The following EPHA7 variants were observed in gnomAD, a reference collection of about 807,000 sequenced individuals.
The protein encoded by EPHA7 is EPH receptor A7.
Under a neutral mutation model 112.6 loss-of-function variants are expected in EPHA7, and 25 were observed. The observed-to-expected ratio is 0.22, with a 90% CI of 0.16 to 0.31. The LOEUF (loss-of-function observed/expected upper bound fraction) is 0.31. Among genes scored for constraint, EPHA7 ranks in the 10% least tolerant of loss-of-function variants. The probability of loss-of-function intolerance (pLI) is 1.00; values close to 1 mark genes in which losing one functional copy is unlikely to be tolerated. For missense variants in EPHA7, 962 were observed against 1,212.6 expected, an observed-to-expected ratio of 0.79 and a Z score of 3.07; for synonymous variants, 437 against 406.5, an observed-to-expected ratio of 1.07 and a Z score of -0.90.
At chr6:93,300,978 A>C (rs1772949606) in intron 5 of EPHA7, among the ~76,000 whole-genome samples, 1 of 152,188 alleles carries the variant, frequency 6.6e-6, no homozygotes, top group South Asian at 2.1e-4. Context: ...AGGCAATTGT[A>C]ACACAAAGGT....
chr6:93,390,076 A>G (rs1777826018), intron 3 of EPHA7, among the ~76,000 whole-genome samples: 1 of 151,938 alleles, frequency 6.6e-6, no homozygotes. Context: ...TAAGGAGACA[A>G]AGCAGCATGC....
intron 5 of EPHA7, among the ~76,000 whole-genome samples, chr6:93,283,573 C>T (rs76596871): frequency 2.6e-5 from 4 of 151,964 alleles, no homozygotes; most frequent in East Asian, 3.9e-4. Context: ...CCAGAAGGAA[C>T]GAACAACTCC....
chr6:93,303,094 C>A (rs1773073994), intron 5 of EPHA7, among the ~76,000 whole-genome samples: 1 of 152,082 alleles, frequency 6.6e-6, no homozygotes, highest in Non-Finnish European at 1.5e-5. Flanking sequence ...TCACACTGAG[C>A]ACATGAAAAA....
chr6:93,410,363 T>C lies in EPHA7; in HGVS notation c.832+138A>G. On this transcript the variant is annotated intron_variant, in intron 3 of 16. Transcript: ENST00000369303. The surrounding 1 kb of genome is among the most constrained non-coding windows in gnomAD (Gnocchi z 4.0). ...GTAGGGCAATCACTAAGTTCAACGG[T>C]GACTTTGTTTAAGATCTACTGAATT... is the stretch of plus-strand genomic sequence containing the variant. 1.4e-6 allele frequency: 1 copy of C among 734,216 alleles called. No homozygotes were observed. Among genetic ancestry groups the C allele is most frequent in the South Asian group, 1.8e-5 (1 of 55,170 alleles). The allele number at this position is 734,216 out of a possible 1,614,324, so 45.5% of individuals were successfully genotyped here. A position where few individuals can be genotyped will look rare whatever the true frequency, so the allele number is the denominator to read the frequency against.
At chr6:93,302,217 A>G (rs568069151) in intron 5 of EPHA7, among the ~76,000 whole-genome samples, 2 of 152,296 alleles carry the variant, frequency 1.3e-5, no homozygotes, top group African/African-American at 4.8e-5. Context: ...GTTGCTATTC[A>G]GACTCCAGGT....
intron 5 of EPHA7, among the ~76,000 whole-genome samples, chr6:93,321,379 C>T (rs1492964): frequency 0.18 from 26,788 of 151,594 alleles, 2,771 homozygotes; most frequent in East Asian, 0.34. Flanking sequence ...GTCATTGATC[C>T]CAGGAGCATT....
At chr6:93,359,780 T>C (rs1330063918) in intron 3 of EPHA7, among the ~76,000 whole-genome samples, 2 of 151,878 alleles carry the variant, frequency 1.3e-5, no homozygotes, top group Non-Finnish European at 2.9e-5. Flanking sequence ...ACAAGATAGG[T>C]ATTTTATATA....
At chr6:93,371,909 G>A (rs1285604359) in intron 3 of EPHA7, among the ~76,000 whole-genome samples, 1 of 152,096 alleles carries the variant, frequency 6.6e-6, no homozygotes, top group Non-Finnish European at 1.5e-5. Flanking sequence ...AAATGAAGTG[G>A]TTAAGAACAT....
chr6:93,395,987 T>C (rs1033336987), intron 3 of EPHA7, among the ~76,000 whole-genome samples: 5 of 151,918 alleles, frequency 3.3e-5, no homozygotes, highest in African/African-American at 1.2e-4. Context: ...TACAAGAGCA[T>C]GCCCTTTTTG....
intron 9 of EPHA7, 69 bp downstream of exon 9, chr6:93,263,791 G>T: frequency 7.8e-7 from 1 of 1,285,430 alleles, no homozygotes; most frequent in Non-Finnish European, 1.1e-6. Flanking sequence ...CTTTGTTAAT[G>T]CCAATGCTAA....
rs1372579172 is a variant in EPHA7, at chr6:93,410,637, C to T, written c.696G>A (p.Gly232=). ...SEFSSLVEVR[G]TCVSSAEEEA... ...CTTCCTCTGCACTGCTGACACATGT[C>T]CCTCGAACCTCGACTAAAGAGGAAA... is the stretch of plus-strand genomic sequence containing the variant. Residue 232 remains glycine (G), a synonymous_variant, in exon 3 of 17, where the codon GGG becomes GGA. Transcript: ENST00000369303. This position sits in a 1 kb window ranked among gnomAD's most constrained non-coding sequence, Gnocchi z 4.0. The T allele has an allele frequency of 7.4e-6, 12 of 1,613,866 alleles. No individual in the cohort carries two copies. In the Admixed American group the frequency reaches 1.5e-4, roughly 20 times the overall value.
intron 5 of EPHA7, among the ~76,000 whole-genome samples, chr6:93,292,183 A>G (rs1314368216): frequency 6.6e-6 from 1 of 152,150 alleles, no homozygotes; most frequent in African/African-American, 2.4e-5. Context: ...GTCACTTATT[A>G]GTTAAGTCAT....
At position 93,245,254 on chromosome 6, in the gene EPHA7, T is replaced by C. The variant is rs1184713168; in HGVS notation, c.2882+44A>G. On this transcript the variant is annotated intron_variant, in intron 16 of 16. Coordinates refer to ENST00000369303, the MANE Select transcript of EPHA7 (RefSeq NM_004440.4). ...AACCTAATGTATAAAGTGTAGATTG[T>C]ACCTAATAAATCCTTAAATACAATT... The C allele has an allele frequency of 6.4e-6, 10 of 1,550,548 alleles. No homozygotes were observed. In the African/African-American group the frequency reaches 9.9e-5, roughly 15 times the overall value.
Position 93,326,407 on chromosome 6 carries a change from G to A in EPHA7, c.1324+30310C>T, listed in dbSNP as rs556017081. On this transcript the variant is annotated intron_variant, in intron 5 of 16. Transcript: ENST00000369303. ...AATGCTCTATTTATATAAAATATAC[G>A]AAGATAGTTTCTTGTGTTAACTGTT... 2.6e-5 allele frequency among the ~76,000 whole-genome samples: 4 copies of A among 151,392 alleles called. No individual in the cohort carries two copies. The South Asian group carries it at 6.2e-4, about 24-fold the overall frequency.
At chr6:93,331,058 C>T (rs1414681018) in intron 5 of EPHA7, among the ~76,000 whole-genome samples, 4 of 151,338 alleles carry the variant, frequency 2.6e-5, no homozygotes, top group Non-Finnish European at 5.9e-5. Flanking sequence ...ATATGTCAAA[C>T]ATTTTGATAA....
At chr6:93,345,829 G>T (rs1389109940) in intron 5 of EPHA7, among the ~76,000 whole-genome samples, 5 of 151,538 alleles carry the variant, frequency 3.3e-5, no homozygotes, top group African/African-American at 1.2e-4. Context: ...CTAATTTACT[G>T]CATTGGTAGA....
Position 93,246,845 on chromosome 6 carries a change from G to A in EPHA7, c.2673C>T (p.Asp891=), listed in dbSNP as rs2127846959. 6.2e-7 allele frequency: 1 copy of A among 1,613,408 alleles called. No individual in the cohort carries two copies. Among genetic ancestry groups the A allele is most frequent in the East Asian group, 2.2e-5 (1 of 44,840 alleles). ...PKFEQIVGIL[D]KMIRNPNSLK... ...GACTATTTGGGTTTCGAATCATTTTGTCTAGAATTCCAACTATCTGTTCAA... is the reference window on the plus strand; with the variant it reads ...GACTATTTGGGTTTCGAATCATTTTATCTAGAATTCCAACTATCTGTTCAA... The change falls in exon 15 of 17, where the codon GAC becomes GAT. Residue 891 remains aspartate (D), a synonymous_variant. Coordinates refer to ENST00000369303, the MANE Select transcript of EPHA7 (RefSeq NM_004440.4).
Position 93,263,875 on chromosome 6 carries a change from C to A in EPHA7, c.1783G>T (p.Glu595Ter), listed in dbSNP as rs1483753655. Residue 595 changes from glutamate to a stop codon, truncating the protein, a stop_gained, in exon 9 of 17, where the codon GAG becomes TAG. Transcript: ENST00000369303. LOFTEE classifies it high-confidence loss of function. ...AAACACTTACAATGAAAGTAAAGCT[C>A]TTCATCGCCTTCTTGGTCAGCTTTG... ...YSKADQEGDE[E>*]LYFHFKFPGT... The A allele has an allele frequency of 6.2e-7, 1 of 1,609,216 alleles. No individual in the cohort carries two copies. The highest frequency in any genetic ancestry group is 1.3e-5 in the African/African-American group (1 of 74,580).
intron 5 of EPHA7, among the ~76,000 whole-genome samples, chr6:93,350,494 C>G (rs1168831786): frequency 6.6e-6 from 1 of 151,942 alleles, no homozygotes; most frequent in East Asian, 1.9e-4. Flanking sequence ...GATATCAGTT[C>G]TTGTCTTAAC....
Sources: allele counts gnomAD v4.1 joint callset (sites outside exome capture counted in the v4.1 genomes callset), GRCh38; gene constraint gnomAD v4.1.1; non-coding constraint Gnocchi (gnomAD v3.1); transcripts MANE v1.5; gene names NCBI Gene and HGNC (gene_info 2026-07-23, HGNC 2026-07-21).